EEF2K: variants seen among roughly 807,000 people sequenced by gnomAD.
EEF2K encodes the protein alternative protein EEF2K.
EEF2K carries 70 observed loss-of-function variants against 93.8 expected under a neutral mutation model. That is an observed-to-expected ratio of 0.75 (90% confidence interval 0.62 to 0.91). EEF2K has a LOEUF of 0.91. Ranked by LOEUF, EEF2K falls within the 40% of genes least tolerant of loss-of-function variation. EEF2K has a pLI of 0.00. For synonymous variants in EEF2K, 376 were observed against 380.8 expected, an observed-to-expected ratio of 0.99 and a Z score of 0.15; for missense variants, 935 against 972.9, an observed-to-expected ratio of 0.96 and a Z score of 0.52.
intron 17 of EEF2K, among the ~76,000 whole-genome samples, chr16:22,282,726 C>G (rs752472224): frequency 3.9e-5 from 6 of 152,156 alleles, no homozygotes; most frequent in Non-Finnish European, 7.3e-5. Flanking sequence ...TTGCCGGGCT[C>G]TAGAACTGTG....
rs367738103 is a variant in EEF2K at position 22,233,524 on chromosome 16, C to CAA, written c.246+7562_246+7563dup. Among the ~76,000 whole-genome samples the CAA allele has an allele frequency of 1.1e-3, 146 of 128,692 alleles. No individual in the cohort carries two copies. The East Asian group carries it at 0.017, about 15-fold the overall frequency. 84.4% of individuals were successfully genotyped at this position (128,692 alleles called of 152,430 possible). A position where few individuals can be genotyped will look rare whatever the true frequency, so the allele number is the denominator to read the frequency against. ...TGAAACCCCGTCTCTACTAAAAATA[C>CAA]AAAAAAAAAAAAAATAGCCGGGCAT... is the stretch of plus-strand genomic sequence containing the variant. On this transcript the variant is annotated intron_variant, in intron 2 of 17. Transcript: ENST00000263026.
intron 16 of EEF2K, among the ~76,000 whole-genome samples, chr16:22,277,065 T>TAAAACA (rs60846240): frequency 0.18 from 27,498 of 151,826 alleles, 3,414 homozygotes; most frequent in African/African-American, 0.37. Context: ...AATGCCGTCT[T>TAAAACA]AAAACAAAAA....
intron 2 of EEF2K, among the ~76,000 whole-genome samples, chr16:22,241,442 C>G (rs942977205): frequency 6.6e-6 from 1 of 151,704 alleles, no homozygotes; most frequent in African/African-American, 2.4e-5. Flanking sequence ...GTCAGGAGTT[C>G]GAGACTAGCC....
chr16:22,234,094 C>A (rs189903111), intron 2 of EEF2K, among the ~76,000 whole-genome samples: 75 of 152,332 alleles, frequency 4.9e-4, no homozygotes, highest in African/African-American at 1.7e-3. Flanking sequence ...AGAGGACCCC[C>A]CCCAGAGGTG....
rs1598212349 is a variant in EEF2K at position 22,283,592 on chromosome 16, A to G, written c.2069-295A>G. Among the ~76,000 whole-genome samples, 3 of 152,118 alleles carry G rather than the reference A, an allele frequency of 2.0e-5. No homozygotes were observed. In the South Asian group the frequency reaches 6.2e-4, roughly 31 times the overall value. On this transcript the variant is annotated intron_variant, in intron 17 of 17. Transcript: ENST00000263026. ...CATTGGCTCAAACTCAATCATCTAC[A>G]TACCCCAAACCAACAGTAGTTGTTT...
At position 22,263,116 on chromosome 16, in the gene EEF2K, G is replaced by A; in HGVS notation, c.1306G>A (p.Glu436Lys). The A allele has an allele frequency of 6.2e-7, 1 of 1,612,060 alleles. No homozygotes were observed. Among genetic ancestry groups the A allele is most frequent in the Non-Finnish European group, 8.5e-7 (1 of 1,178,974 alleles). ...HDHLDNHRES[E>K]NSGDSGYPSE... The stretch of plus-strand genomic sequence containing the variant: ...GGCCGTCTTCTCTCCACAGGAGTCT[G>A]AGAATAGTGGGGACAGCGGATACCC... The change falls in exon 12 of 18, where the codon GAG becomes AAG. Residue 436 changes from glutamate to lysine, a missense_variant. By Grantham distance (56) the Glu-to-Lys change is moderately conservative. Transcript: ENST00000263026.
intron 1 of EEF2K, among the ~76,000 whole-genome samples, chr16:22,218,610 C>A (rs2046982339): frequency 6.6e-6 from 1 of 152,170 alleles, no homozygotes; most frequent in Admixed American, 6.5e-5. Flanking sequence ...TCCCTGAGGA[C>A]CCCTGAAGAA....
intron 17 of EEF2K, among the ~76,000 whole-genome samples, chr16:22,281,507 T>C (rs1265337152): frequency 6.6e-6 from 1 of 152,168 alleles, no homozygotes; most frequent in Admixed American, 6.5e-5. Flanking sequence ...TCCCAAAGTC[T>C]TTGGATTACA....
intron 2 of EEF2K, among the ~76,000 whole-genome samples, chr16:22,233,175 T>C (rs2047132967): frequency 6.6e-6 from 1 of 152,094 alleles, no homozygotes; most frequent in Non-Finnish European, 1.5e-5. Flanking sequence ...GAATACAGCA[T>C]GATTATAGCT....
intron 15 of EEF2K, 71 bp downstream of exon 15, chr16:22,266,947 C>T: frequency 1.3e-6 from 2 of 1,513,570 alleles, no homozygotes; most frequent in Non-Finnish European, 1.8e-6. Flanking sequence ...ACCTGCCTCC[C>T]ATCCTGGAAG....
rs539358193 is a variant in EEF2K at position 22,220,089 on chromosome 16, C to T, written c.-76-5565C>T. 3.9e-5 allele frequency among the ~76,000 whole-genome samples: 6 copies of T among 152,324 alleles called. No individual in the cohort carries two copies. The South Asian group carries it at 6.2e-4, about 16-fold the overall frequency. ...CTGAGTGGCCACGTGACATGCTTAG[C>T]CAAAACCCGGTGGTTCTCTTATCAA... On this transcript the variant is annotated intron_variant, in intron 1 of 17. Coordinates refer to ENST00000263026, the MANE Select transcript of EEF2K (RefSeq NM_013302.5).
intron 4 of EEF2K, among the ~76,000 whole-genome samples, chr16:22,250,336 T>C (rs190934750): frequency 2.0e-5 from 3 of 152,282 alleles, no homozygotes; most frequent in Admixed American, 1.3e-4. Flanking sequence ...ATCTCCACTT[T>C]TTTTCTCTTA....
At chr16:22,234,648 T>TA (rs1206827948) in intron 2 of EEF2K, among the ~76,000 whole-genome samples, 1 of 152,116 alleles carries the variant, frequency 6.6e-6, no homozygotes, top group Admixed American at 6.6e-5. Flanking sequence ...TTCATAAAAT[T>TA]ATGCATCCAT....
In EEF2K at chr16:22,284,110, T is replaced by A; in HGVS notation, c.*114T>A. ...AGGGGAAGCATTTTTAAGTGTGTTG[T>A]AAAATCAAATTTTATATTTCATTTT... On this transcript the variant is annotated 3_prime_UTR_variant, in exon 18 of 18. Coordinates refer to ENST00000263026, the MANE Select transcript of EEF2K (RefSeq NM_013302.5). 2.1e-6 allele frequency: 2 copies of A among 942,338 alleles called. No homozygotes were observed. Among genetic ancestry groups the A allele is most frequent in the Non-Finnish European group, 3.2e-6 (2 of 626,640 alleles). The allele number at this position is 942,338 out of a possible 1,614,324, so 58.4% of individuals were successfully genotyped here. A position where few individuals can be genotyped will look rare whatever the true frequency, so the allele number is the denominator to read the frequency against.
chr16:22,266,267 C>A, intron 13 of EEF2K, 123 bp from the exon 14 acceptor site: 1 of 1,369,522 alleles, frequency 7.3e-7, no homozygotes, highest in Non-Finnish European at 9.8e-7. Flanking sequence ...TAAACTTTGA[C>A]ATCGTGAGGG....
intron 6 of EEF2K, among the ~76,000 whole-genome samples, chr16:22,252,964 C>T (rs1437527693): frequency 2.6e-5 from 4 of 152,120 alleles, no homozygotes; most frequent in Non-Finnish European, 4.4e-5. Flanking sequence ...TCCCACAACA[C>T]GTGGGAATTA....
Position 22,263,152 on chromosome 16 carries a change from C to A in EEF2K, c.1342C>A (p.Arg448=). 1 of 1,612,436 alleles carries A rather than the reference C, an allele frequency of 6.2e-7. No homozygotes were observed. The highest frequency in any genetic ancestry group is 1.3e-5 in the African/African-American group (1 of 74,928). Reference sequence around the variant, plus strand: ...GGACAGCGGATACCCCAGTGAGAAGCGGGGTGAGCTGGATGACCCTGAGCC... The same window carrying A: ...GGACAGCGGATACCCCAGTGAGAAGAGGGGTGAGCTGGATGACCCTGAGCC... ...SGDSGYPSEK[R]GELDDPEPRE... Residue 448 remains arginine, a synonymous_variant, in exon 12 of 18, where the codon CGG becomes AGG. Coordinates refer to ENST00000263026, the MANE Select transcript of EEF2K (RefSeq NM_013302.5).
intron 6 of EEF2K, among the ~76,000 whole-genome samples, chr16:22,252,389 C>T (rs1214860375): frequency 2.0e-5 from 3 of 152,130 alleles, no homozygotes. Context: ...GCACTCTGGC[C>T]CCCAGCAGGC....
intron 2 of EEF2K, among the ~76,000 whole-genome samples, chr16:22,236,394 C>T (rs1354411544): frequency 1.3e-5 from 2 of 151,334 alleles, no homozygotes; most frequent in African/African-American, 4.9e-5. Context: ...TCCACCTCAG[C>T]CTCCTGAGTA....
Sources: gnomAD v4.1 joint callset for allele counts (sites outside exome capture counted in the v4.1 genomes callset) on GRCh38, gnomAD v4.1.1 for gene constraint, MANE v1.5 for transcripts, NCBI Gene and HGNC (gene_info 2026-07-23, HGNC 2026-07-21) for gene names.